Variants in CNOT6 observed in about 807,000 individuals in gnomAD.
The protein encoded by CNOT6 is CCR4-NOT transcription complex subunit 6, also known as carbon catabolite repression 4 protein.
In CNOT6, 12 loss-of-function variants were observed where a neutral mutation model predicts 61.2. The ratio of observed to expected loss-of-function variants is 0.20; its 90% CI spans 0.13 to 0.32. The LOEUF is 0.32. CNOT6 is among the 10% of genes least tolerant of loss of function. CNOT6 has a pLI of 1.00. For synonymous variants in CNOT6, 225 were observed against 240.6 expected, an observed-to-expected ratio of 0.94 and a Z score of 0.60; for missense variants, 405 against 663.9, an observed-to-expected ratio of 0.61 and a Z score of 4.28.
In CNOT6 at chr5:180,577,726, G is replaced by A. The variant is rs569631016; in HGVS notation, c.*3526G>A. 4 of 152,698 alleles carry A rather than the reference G, an allele frequency of 2.6e-5. No homozygotes were observed. In the East Asian group the frequency reaches 7.7e-4, roughly 29 times the overall value. The allele number at this position is 152,698 out of a possible 1,614,324, so 9.5% of individuals were successfully genotyped here. A position where few individuals can be genotyped will look rare whatever the true frequency, so the allele number is the denominator to read the frequency against. ...TTTACCATTCATGTAACAAAACCCA[G>A]CACATTATCTGCACTATAAGCTCAA... On this transcript the variant is annotated 3_prime_UTR_variant, in exon 12 of 12. Transcript: ENST00000261951.
At chr5:180,519,835 T>A (rs1442478745) in intron 1 of CNOT6, among the ~76,000 whole-genome samples, 1 of 45,338 alleles carries the variant, frequency 2.2e-5, no homozygotes, top group African/African-American at 5.0e-5. Flanking sequence ...TCCATTTGCT[T>A]TTTTTTTTTT....
At chr5:180,500,444 T>TTC (rs1554095819) in intron 1 of CNOT6, among the ~76,000 whole-genome samples, 1 of 147,994 alleles carries the variant, frequency 6.8e-6, no homozygotes, top group Non-Finnish European at 1.5e-5. Flanking sequence ...TTCTTTTCTT[T>TTC]TTTTTTTTTT....
At chr5:180,521,279 A>T (rs1436914505) in intron 1 of CNOT6, among the ~76,000 whole-genome samples, 2 of 152,210 alleles carry the variant, frequency 1.3e-5, no homozygotes, top group African/African-American at 4.8e-5. Flanking sequence ...TTAGTCATTT[A>T]CGACATTTTA....
In CNOT6 at chr5:180,549,914, A is replaced by AT; in HGVS notation, c.113-10dup. 3 of 1,586,738 alleles carry AT rather than the reference A, an allele frequency of 1.9e-6. No homozygotes were observed. Among genetic ancestry groups the AT allele is most frequent in the Non-Finnish European group, 2.6e-6 (3 of 1,159,638 alleles). On this transcript the variant is annotated splice_polypyrimidine_tract_variant and intron_variant, in intron 2 of 11. Transcript: ENST00000261951. ...AGAAAACTATATAATCCGTTCCTGT[A>AT]TTTTTTTCTCTTACAGGAAAAGTAA...
chr5:180,562,291 T>A (rs1205803563), intron 4 of CNOT6, among the ~76,000 whole-genome samples: 2 of 152,190 alleles, frequency 1.3e-5, no homozygotes, highest in African/African-American at 4.8e-5. Context: ...GAAAAGTGTT[T>A]TTACTCCATC....
chr5:180,524,798 AATCTC>A (rs1205435782), intron 1 of CNOT6, among the ~76,000 whole-genome samples: 8 of 152,324 alleles, frequency 5.3e-5, no homozygotes, highest in African/African-American at 1.9e-4. Flanking sequence ...CAAAAATACT[AATCTC>A]AGCTGGTCAG....
intron 4 of CNOT6, among the ~76,000 whole-genome samples, chr5:180,563,260 G>A (rs992141656): frequency 2.7e-5 from 4 of 148,800 alleles, no homozygotes; most frequent in Non-Finnish European, 3.0e-5. Flanking sequence ...CTGTTGCCCA[G>A]GCTGGAGTGC....
intron 4 of CNOT6, among the ~76,000 whole-genome samples, chr5:180,559,950 A>ATTT (rs528723433): frequency 9.2e-5 from 13 of 141,592 alleles, no homozygotes; most frequent in East Asian, 6.2e-4. Context: ...TAGTTTTATG[A>ATTT]TTTTTTTTTT....
chr5:180,510,233 T>C (rs1757330719), intron 1 of CNOT6, among the ~76,000 whole-genome samples: 1 of 139,024 alleles, frequency 7.2e-6, no homozygotes, highest in Admixed American at 8.0e-5. Context: ...GGTGCAATGA[T>C]AGCACGCTAT....
chr5:180,552,359 G>T (rs1209520242), intron 3 of CNOT6, among the ~76,000 whole-genome samples: 1 of 151,694 alleles, frequency 6.6e-6, no homozygotes, highest in African/African-American at 2.4e-5. Flanking sequence ...TGACAAATAG[G>T]CTGGGCACGA....
chr5:180,514,012 T>G (rs1757520329), intron 1 of CNOT6, among the ~76,000 whole-genome samples: 1 of 151,890 alleles, frequency 6.6e-6, no homozygotes, highest in Admixed American at 6.6e-5. Context: ...CATTTTTATT[T>G]TTTGTAGAGA....
intron 2 of CNOT6, among the ~76,000 whole-genome samples, chr5:180,544,868 A>G (rs910869849): frequency 6.6e-6 from 1 of 152,100 alleles, no homozygotes; most frequent in South Asian, 2.1e-4. Flanking sequence ...CTGAAGCAGG[A>G]GGATCACGTG....
chr5:180,571,124 T>C (rs989217815), intron 10 of CNOT6, 106 bp from the exon 11 acceptor site: 6 of 733,764 alleles, frequency 8.2e-6, no homozygotes, highest in Non-Finnish European at 1.1e-5. Context: ...AGGAAACATT[T>C]TGGAACGTGG....
At chr5:180,545,595 C>T (rs972059327) in intron 2 of CNOT6, among the ~76,000 whole-genome samples, 4 of 152,106 alleles carry the variant, frequency 2.6e-5, no homozygotes, top group East Asian at 1.9e-4. Context: ...TGTATGGCTA[C>T]GCCAGCATTT....
chr5:180,496,437 G>A (rs1164821203), intron 1 of CNOT6, among the ~76,000 whole-genome samples: 1 of 152,146 alleles, frequency 6.6e-6, no homozygotes, highest in African/African-American at 2.4e-5. Context: ...CGACCTAATC[G>A]CTAGAGGTTT....
chr5:180,497,187 T>C lies in CNOT6; in HGVS notation c.-3+2424T>C, dbSNP rs1247896991. On this transcript the variant is annotated intron_variant, in intron 1 of 11. Coordinates refer to ENST00000261951, the MANE Select transcript of CNOT6 (RefSeq NM_001370472.1). ...TACTAAAAATACAAAATTAGCCAGG[T>C]GTGGTGGCGCATGCCTGTAATCCCA... Among the ~76,000 whole-genome samples the C allele has an allele frequency of 2.0e-5, 3 of 151,912 alleles. No individual in the cohort carries two copies. In the South Asian group the frequency reaches 6.2e-4, roughly 32 times the overall value.
Position 180,574,330 on chromosome 5 carries a change from T to C in CNOT6, c.*130T>C, listed in dbSNP as rs111320376. The C allele has an allele frequency of 8.0e-5, 61 of 763,804 alleles. 2 individuals carry two copies. Among genetic ancestry groups the C allele is most frequent in the African/African-American group, 5.7e-4 (33 of 57,944 alleles). The allele number at this position is 763,804 out of a possible 1,614,324, so 47.3% of individuals were successfully genotyped here. On this transcript the variant is annotated 3_prime_UTR_variant, in exon 12 of 12. Coordinates refer to ENST00000261951, the MANE Select transcript of CNOT6 (RefSeq NM_001370472.1). ...GATTTGGACTTTCAATCTGATTATT[T>C]GATAAGGATATAGTATGAAAGCCAG...
At chr5:180,552,018 G>A (rs1759627127) in intron 3 of CNOT6, among the ~76,000 whole-genome samples, 1 of 151,680 alleles carries the variant, frequency 6.6e-6, no homozygotes, top group Non-Finnish European at 1.5e-5. Flanking sequence ...ACAAGCGTGT[G>A]CCACCATGCC....
chr5:180,512,396 A>C (rs1428474830), intron 1 of CNOT6, among the ~76,000 whole-genome samples: 1 of 152,212 alleles, frequency 6.6e-6, no homozygotes, highest in Non-Finnish European at 1.5e-5. Flanking sequence ...TGCCAGTTGC[A>C]TCAAAAGATA....
Sources: gnomAD v4.1 joint callset for allele counts (sites outside exome capture counted in the v4.1 genomes callset) on GRCh38, gnomAD v4.1.1 for gene constraint, MANE v1.5 for transcripts, NCBI Gene and HGNC (gene_info 2026-07-23, HGNC 2026-07-21) for gene names.